Variants in DOCK1 observed in about 807,000 individuals in gnomAD.
The protein encoded by DOCK1 is dedicator of cytokinesis 1.
Under a neutral mutation model 262.7 loss-of-function variants are expected in DOCK1, and 138 were observed. The ratio of observed to expected loss-of-function variants is 0.53; its 90% confidence interval spans 0.46 to 0.61. The LOEUF (loss-of-function observed/expected upper bound fraction) is 0.61, where lower values mean the gene tolerates loss of function less well. Among genes scored for constraint, DOCK1 ranks in the 20% least tolerant of loss-of-function variants. The pLI, the probability that DOCK1 is intolerant of heterozygous loss-of-function variation, is 0.00. For missense variants in DOCK1, 1,908 were observed against 2,370.7 expected (o/e 0.80, Z 4.05); for synonymous variants, 866 against 867.4 (o/e 1.00, Z 0.03).
At chr10:127,363,352 A>G (rs531844395) in intron 33 of DOCK1, among the ~76,000 whole-genome samples, 3 of 152,280 alleles carry the variant, frequency 2.0e-5, no homozygotes, top group South Asian at 4.1e-4. Flanking sequence ...TCTACAAAAA[A>G]TACAAAAATT....
At chr10:127,267,913 A>C (rs1244568504) in intron 29 of DOCK1, among the ~76,000 whole-genome samples, 1 of 152,210 alleles carries the variant, frequency 6.6e-6, no homozygotes, top group East Asian at 1.9e-4. Flanking sequence ...AGGAAGAGGC[A>C]GCCAAGTGAA....
intron 30 of DOCK1, among the ~76,000 whole-genome samples, 172 bp downstream of exon 30, chr10:127,339,256 T>C (rs557456054): frequency 4.6e-5 from 7 of 152,352 alleles, no homozygotes; most frequent in Non-Finnish European, 1.0e-4. Flanking sequence ...GTGAAAATTA[T>C]ACTTTTGGAG....
chr10:127,077,529 G>A (rs528908136), intron 23 of DOCK1, among the ~76,000 whole-genome samples: 3 of 152,218 alleles, frequency 2.0e-5, no homozygotes, highest in East Asian at 1.9e-4. Context: ...TTTAATATAC[G>A]TGCGCTTTTC....
chr10:127,200,643 A>G (rs879688279), intron 27 of DOCK1, among the ~76,000 whole-genome samples: 6 of 152,154 alleles, frequency 3.9e-5, no homozygotes, highest in Non-Finnish European at 7.3e-5. Context: ...AGCTCAGGCA[A>G]TCCACCCATC....
intron 6 of DOCK1, among the ~76,000 whole-genome samples, chr10:126,991,902 A>G (rs944040644): frequency 2.6e-5 from 4 of 152,032 alleles, no homozygotes; most frequent in African/African-American, 7.2e-5. Context: ...GTTTAATTCA[A>G]CCCCCTCATT....
intron 29 of DOCK1, among the ~76,000 whole-genome samples, chr10:127,307,754 C>T (rs1171964655): frequency 6.6e-6 from 1 of 152,244 alleles, no homozygotes; most frequent in African/African-American, 2.4e-5. Context: ...TGAACGCCAC[C>T]ATCTCAGGGA....
At chr10:126,913,202 GGCTCAGTCTCTGA>G (rs1453926830) in intron 1 of DOCK1, among the ~76,000 whole-genome samples, 2 of 152,154 alleles carry the variant, frequency 1.3e-5, no homozygotes, top group African/African-American at 4.8e-5. Context: ...CTGTGAGTGT[GGCTCAGTCTCTGA>G]GCTCAACCTA....
intron 1 of DOCK1, among the ~76,000 whole-genome samples, chr10:126,947,330 AGTATTACTGTTGGTGATGGTGGTG>A (rs2035518913): frequency 1.0e-4 from 15 of 146,616 alleles, no homozygotes; most frequent in African/African-American, 3.6e-4. Context: ...GGTGGTTGGT[AGTATTACTGTTGGTGATGGTGGTG>A]GTTGGTAGTA....
chr10:127,306,234 C>A (rs2061870944), intron 29 of DOCK1, among the ~76,000 whole-genome samples: 1 of 152,106 alleles, frequency 6.6e-6, no homozygotes, highest in Non-Finnish European at 1.5e-5. Flanking sequence ...AGGCTGGTCT[C>A]AAACTCCTGA....
intron 23 of DOCK1, among the ~76,000 whole-genome samples, chr10:127,071,576 T>A (rs570486194): frequency 6.6e-6 from 1 of 152,196 alleles, no homozygotes; most frequent in African/African-American, 2.4e-5. Context: ...CTGCGTAGTT[T>A]TTGGTTTACT....
rs1196189442 is a variant in DOCK1 at position 127,175,915 on chromosome 10, G to A, written c.2847+48151G>A. 6.2e-7 allele frequency: 1 copy of A among 1,614,080 alleles called. No homozygotes were observed. The highest frequency in any genetic ancestry group is 1.3e-5 in the African/African-American group (1 of 74,928). On this transcript the variant is annotated intron_variant, in intron 27 of 51. Coordinates refer to ENST00000623213, the MANE Select transcript of DOCK1 (RefSeq NM_001290223.2). The surrounding 1 kb of genome is among the most constrained non-coding windows in gnomAD (Gnocchi z 6.3). ...TTGTGCACCCGCCCCGCGCCACATG[G>A]CCGGGCCTCCTCCATGGGTCCAGCC...
chr10:127,377,402 C>T (rs2065557485), intron 35 of DOCK1, among the ~76,000 whole-genome samples: 1 of 152,030 alleles, frequency 6.6e-6, no homozygotes, highest in African/African-American at 2.4e-5. Flanking sequence ...ATAAAATATA[C>T]TCTGTTAGTC....
At chr10:127,110,634 T>C (rs769795294) in intron 25 of DOCK1, among the ~76,000 whole-genome samples, 1 of 152,202 alleles carries the variant, frequency 6.6e-6, no homozygotes, top group Non-Finnish European at 1.5e-5. Context: ...CTTTAAGATA[T>C]GTGGTTGTCT....
At chr10:126,978,076 G>T in intron 3 of DOCK1, 88 bp downstream of exon 3, 2 of 1,299,256 alleles carry the variant, frequency 1.5e-6, no homozygotes, top group Non-Finnish European at 2.2e-6. Context: ...GTGTCTGAGG[G>T]TTTTACTTCT....
chr10:127,112,470 C>T (rs1020515067), intron 25 of DOCK1, among the ~76,000 whole-genome samples: 1 of 152,160 alleles, frequency 6.6e-6, no homozygotes, highest in African/African-American at 2.4e-5. Context: ...CATTCTTGTT[C>T]TCTAAGCCTT....
intron 31 of DOCK1, 25 bp downstream of exon 31, chr10:127,343,771 C>T (rs530045693): frequency 1.9e-6 from 3 of 1,556,768 alleles, no homozygotes; most frequent in East Asian, 4.6e-5. Context: ...AGCTCTGAAA[C>T]TGCAGGCAGG....
chr10:126,948,659 G>T (rs1161749947), intron 1 of DOCK1, among the ~76,000 whole-genome samples: 1 of 152,078 alleles, frequency 6.6e-6, no homozygotes, highest in Non-Finnish European at 1.5e-5. Flanking sequence ...CAGGTATGCT[G>T]AGCCAGAGGC....
At chr10:127,347,540 T>A (rs2063689505) in intron 31 of DOCK1, among the ~76,000 whole-genome samples, 2 of 152,054 alleles carry the variant, frequency 1.3e-5, no homozygotes, top group Non-Finnish European at 2.9e-5. Flanking sequence ...AGAGACATGA[T>A]CTGGGTTGTC....
At chr10:127,224,703 C>G (rs2058572510) in intron 27 of DOCK1, among the ~76,000 whole-genome samples, 1 of 151,710 alleles carries the variant, frequency 6.6e-6, no homozygotes, top group African/African-American at 2.4e-5. Context: ...CTGGGAGAGA[C>G]AGCAAGACCC....
Sources: gnomAD v4.1 joint callset for allele counts (sites outside exome capture counted in the v4.1 genomes callset) on GRCh38, gnomAD v4.1.1 for gene constraint, Gnocchi (gnomAD v3.1) non-coding constraint, MANE v1.5 for transcripts, NCBI Gene and HGNC (gene_info 2026-07-23, HGNC 2026-07-21) for gene names.